PHKB: variants seen among roughly 807,000 people sequenced by gnomAD.
PHKB encodes the protein phosphorylase b kinase regulatory subunit beta.
PHKB carries 122 observed loss-of-function variants against 152.1 expected under a neutral mutation model. The ratio of observed to expected loss-of-function variants is 0.80; its 90% CI spans 0.69 to 0.93. The LOEUF (loss-of-function observed/expected upper bound fraction) is 0.93. Ranked by LOEUF, PHKB falls within the 40% of genes least tolerant of loss-of-function variation. PHKB has a pLI of 0.00. For synonymous variants in PHKB, 436 were observed against 464.9 expected (o/e 0.94, Z 0.80); for missense variants, 1,304 against 1,328.4 (o/e 0.98, Z 0.29).
At chr16:47,569,302 T>G (rs1971619096) in intron 7 of PHKB, among the ~76,000 whole-genome samples, 1 of 152,234 alleles carries the variant, frequency 6.6e-6, no homozygotes, top group Non-Finnish European at 1.5e-5. Context: ...AGTCTGTTTT[T>G]TCTCATATAA....
intron 24 of PHKB, chr16:47,664,243 G>A (rs568281981): frequency 1.9e-5 from 3 of 157,226 alleles, no homozygotes; most frequent in Admixed American, 1.9e-4. Context: ...AAAAAAAGAT[G>A]TAGGAAAGTT....
At chr16:47,590,892 C>G (rs371239213) in intron 10 of PHKB, 1 of 152,216 alleles carries the variant, frequency 6.6e-6, no homozygotes, top group African/African-American at 2.4e-5. Flanking sequence ...TACTCAAGTT[C>G]GCAGACTTTC....
At chr16:47,587,005 A>G (rs1194520068) in intron 8 of PHKB, among the ~76,000 whole-genome samples, 3 of 152,148 alleles carry the variant, frequency 2.0e-5, no homozygotes, top group Non-Finnish European at 4.4e-5. Flanking sequence ...TCTAGTGTTT[A>G]AAGAATGGGC....
At chr16:47,481,056 T>C (rs753655922) in intron 1 of PHKB, among the ~76,000 whole-genome samples, 2 of 152,244 alleles carry the variant, frequency 1.3e-5, no homozygotes, top group Admixed American at 6.5e-5. Context: ...ACTCATTTTA[T>C]ACTTCTCTAT....
At chr16:47,643,473 T>C (rs1200597446) in intron 16 of PHKB, among the ~76,000 whole-genome samples, 2 of 152,210 alleles carry the variant, frequency 1.3e-5, no homozygotes, top group Non-Finnish European at 2.9e-5. Flanking sequence ...GTTTTAAAAA[T>C]GGTGTTAACA....
Position 47,515,549 on chromosome 16 carries a change from A to G in PHKB, c.542A>G (p.Tyr181Cys), listed in dbSNP as rs1381110962. The G allele has an allele frequency of 1.3e-6, 2 of 1,508,338 alleles. No homozygotes were observed. The highest frequency in any genetic ancestry group is 3.3e-5 in the Admixed American group (2 of 59,860). The allele number at this position is 1,508,338 out of a possible 1,614,324, so 93.4% of individuals were successfully genotyped here. A position where few individuals can be genotyped will look rare whatever the true frequency, so the allele number is the denominator to read the frequency against. The change falls in exon 6 of 31, where the codon TAC (tyrosine) becomes TGC (cysteine). Residue 181 changes from tyrosine (Y) to cysteine (C), a missense_variant. Coordinates refer to ENST00000323584, the MANE Select transcript of PHKB (RefSeq NM_000293.3). ...QINAVSLYLL[Y>C]LVEMISSGLQ... ...AATGCAGTGTCACTTTATCTCCTTT[A>G]CCTTGTGGAAATGATTTCCTCAGGA...
chr16:47,552,853 A>G (rs1971298029), intron 7 of PHKB, among the ~76,000 whole-genome samples: 1 of 152,116 alleles, frequency 6.6e-6, no homozygotes, highest in Non-Finnish European at 1.5e-5. Flanking sequence ...AGAATGTTGA[A>G]TATTGATCCC....
chr16:47,699,692 C>T lies in PHKB; in HGVS notation c.*326C>T, dbSNP rs909998479. The stretch of plus-strand genomic sequence containing the variant: ...TAGTTCATCAAAATGAATCTTTGCT[C>T]TTTGGACTGAATTCTTACCATACTG... On this transcript the variant is annotated 3_prime_UTR_variant, in exon 31 of 31. Transcript: ENST00000323584. The T allele has an allele frequency of 2.8e-6, 1 of 359,370 alleles. No individual in the cohort carries two copies. The highest frequency in any genetic ancestry group is 5.3e-6 in the Non-Finnish European group (1 of 188,460). 22.3% of individuals were successfully genotyped at this position (359,370 alleles called of 1,614,324 possible).
intron 27 of PHKB, among the ~76,000 whole-genome samples, chr16:47,691,579 C>T (rs989748589): frequency 6.6e-6 from 1 of 152,046 alleles, no homozygotes; most frequent in Non-Finnish European, 1.5e-5. Context: ...GCGGCACATG[C>T]CTGTAGTTCC....
intron 4 of PHKB, among the ~76,000 whole-genome samples, chr16:47,510,700 T>A (rs189493705): frequency 1.3e-5 from 2 of 152,280 alleles, no homozygotes; most frequent in Admixed American, 1.3e-4. Flanking sequence ...AAGATTTTTT[T>A]AAGATAGTAT....
At chr16:47,569,263 A>G (rs757667200) in intron 7 of PHKB, among the ~76,000 whole-genome samples, 2 of 152,234 alleles carry the variant, frequency 1.3e-5, no homozygotes, top group African/African-American at 2.4e-5. Flanking sequence ...CTGTTATAAT[A>G]TAATGACTTT....
At chr16:47,635,892 G>A (rs548553449) in intron 14 of PHKB, among the ~76,000 whole-genome samples, 29 of 152,358 alleles carry the variant, frequency 1.9e-4, no homozygotes, top group African/African-American at 7.0e-4. Flanking sequence ...GGCATGTGGA[G>A]TATAGTTATA....
intron 6 of PHKB, among the ~76,000 whole-genome samples, chr16:47,531,661 TC>T (rs1484595286): frequency 6.6e-6 from 1 of 152,328 alleles, no homozygotes. Flanking sequence ...ACTTGGATTC[TC>T]TACCCACTTT....
intron 1 of PHKB, among the ~76,000 whole-genome samples, chr16:47,474,171 A>G (rs1411648255): frequency 6.6e-6 from 1 of 152,154 alleles, no homozygotes. Context: ...CAAAATATAT[A>G]TCATTGATTT....
intron 13 of PHKB, among the ~76,000 whole-genome samples, chr16:47,606,449 AT>A (rs1181663374): frequency 6.6e-6 from 1 of 152,256 alleles, no homozygotes; most frequent in African/African-American, 2.4e-5. Context: ...TTTTTAAGTG[AT>A]CAGTGTAGAG....
chr16:47,665,875 A>G, intron 25 of PHKB: 1 of 1,062,884 alleles, frequency 9.4e-7, no homozygotes, highest in Non-Finnish European at 1.5e-6. Flanking sequence ...CTACCCAATC[A>G]GGGCCCCATG....
intron 6 of PHKB, among the ~76,000 whole-genome samples, chr16:47,533,553 C>T (rs986125053): frequency 2.0e-5 from 3 of 152,082 alleles, no homozygotes; most frequent in African/African-American, 7.2e-5. Context: ...TGGAGGGGGC[C>T]GAGGCTGCAG....
chr16:47,555,094 T>G (rs537277428), intron 7 of PHKB, among the ~76,000 whole-genome samples: 3 of 152,250 alleles, frequency 2.0e-5, no homozygotes, highest in Non-Finnish European at 4.4e-5. Context: ...TTTACTCAGT[T>G]TAAGAGGCTT....
At chr16:47,604,475 A>G (rs1972289381) in intron 13 of PHKB, among the ~76,000 whole-genome samples, 1 of 152,176 alleles carries the variant, frequency 6.6e-6, no homozygotes, top group African/African-American at 2.4e-5. Context: ...ATATGAGGTT[A>G]AGGATCTGCA....
Sources: allele counts gnomAD v4.1 joint callset (sites outside exome capture counted in the v4.1 genomes callset), GRCh38; gene constraint gnomAD v4.1.1; transcripts MANE v1.5; gene names NCBI Gene and HGNC (gene_info 2026-07-23, HGNC 2026-07-21).